SLC14A2: variants seen among roughly 807,000 people sequenced by gnomAD.
The protein encoded by SLC14A2 is solute carrier family 14 member 2.
In SLC14A2, 91 loss-of-function variants were observed where a neutral mutation model predicts 104.6. That is an observed-to-expected ratio of 0.87 (90% CI 0.73 to 1.04). SLC14A2 has a LOEUF of 1.04. Among genes scored for constraint, SLC14A2 ranks in the 50% least tolerant of loss-of-function variants. The pLI is 0.00. For missense variants in SLC14A2, 1,189 were observed against 1,156.0 expected (o/e 1.03, Z -0.41); for synonymous variants, 476 against 466.4 (o/e 1.02, Z -0.27).
At chr18:45,537,423 T>C (rs1485430970) in intron 2 of SLC14A2, among the ~76,000 whole-genome samples, 1 of 152,052 alleles carries the variant, frequency 6.6e-6, no homozygotes, top group East Asian at 1.9e-4. Flanking sequence ...GAGTGAGCCA[T>C]GCAGGTAACT....
At chr18:45,390,369 C>T (rs2085946897) in intron 1 of SLC14A2, among the ~76,000 whole-genome samples, 1 of 152,096 alleles carries the variant, frequency 6.6e-6, no homozygotes, top group African/African-American at 2.4e-5. Flanking sequence ...ATGGGACACT[C>T]AGGGTAAACT....
At chr18:45,571,691 G>A (rs1050392832) in intron 2 of SLC14A2, among the ~76,000 whole-genome samples, 3 of 152,024 alleles carry the variant, frequency 2.0e-5, no homozygotes, top group African/African-American at 7.2e-5. Context: ...TCTTCTCTGG[G>A]TCCATATTTT....
chr18:45,360,254 G>A (rs1415813918), intron 1 of SLC14A2, among the ~76,000 whole-genome samples: 4 of 152,306 alleles, frequency 2.6e-5, no homozygotes, highest in Middle Eastern at 3.4e-3. Flanking sequence ...GAAGCCAGTC[G>A]TGCATCCCTA....
At chr18:45,421,093 A>C (rs1056652105) in intron 1 of SLC14A2, among the ~76,000 whole-genome samples, 68 of 152,102 alleles carry the variant, frequency 4.5e-4, no homozygotes, top group African/African-American at 1.6e-3. Context: ...CTTTCCCTCC[A>C]CAAATCATTC....
intron 1 of SLC14A2, among the ~76,000 whole-genome samples, chr18:45,217,265 C>T (rs1266322224): frequency 1.4e-5 from 2 of 147,902 alleles, no homozygotes; most frequent in East Asian, 1.9e-4. Context: ...ATATAATATA[C>T]ATATATTACA....
intron 2 of SLC14A2, among the ~76,000 whole-genome samples, chr18:45,549,137 C>T (rs1375239348): frequency 6.6e-6 from 1 of 152,194 alleles, no homozygotes; most frequent in Non-Finnish European, 1.5e-5. Context: ...GTAAAATGGA[C>T]AAAGGACTGG....
chr18:45,303,096 C>G (rs532788863), intron 1 of SLC14A2, among the ~76,000 whole-genome samples: 7 of 152,180 alleles, frequency 4.6e-5, no homozygotes, highest in Admixed American at 4.6e-4. Flanking sequence ...AGCATTGAAA[C>G]GATTTGCAAA....
intron 1 of SLC14A2, among the ~76,000 whole-genome samples, chr18:45,382,370 A>G (rs113930714): frequency 1.3e-5 from 2 of 152,300 alleles, no homozygotes; most frequent in African/African-American, 4.8e-5. Context: ...GAATCTATTG[A>G]GCAGTATAAT....
At chr18:45,187,406 A>G in the SLC14A2 span, among the ~76,000 whole-genome samples, 1 of 152,184 alleles carries the variant, frequency 6.6e-6, no homozygotes, top group Non-Finnish European at 1.5e-5. Flanking sequence ...CACCAACTCC[A>G]ACAGAATAGG....
At chr18:45,513,923 G>C (rs1190716845) in intron 2 of SLC14A2, among the ~76,000 whole-genome samples, 1 of 152,106 alleles carries the variant, frequency 6.6e-6, no homozygotes, top group Non-Finnish European at 1.5e-5. Flanking sequence ...CCAACACACA[G>C]AGTGCTCTGC....
chr18:45,566,969 G>A (rs1204943531), intron 2 of SLC14A2, among the ~76,000 whole-genome samples: 1 of 152,068 alleles, frequency 6.6e-6, no homozygotes, highest in Non-Finnish European at 1.5e-5. Flanking sequence ...GGAATCTGGT[G>A]ATTTATTTGA....
At chr18:45,493,626 C>T (rs1336096954) in intron 2 of SLC14A2, among the ~76,000 whole-genome samples, 1 of 152,170 alleles carries the variant, frequency 6.6e-6, no homozygotes, top group Admixed American at 6.5e-5. Context: ...AGAGACTGTG[C>T]CAGAAATCAC....
chr18:45,278,744 T>G (rs973401659), intron 1 of SLC14A2, among the ~76,000 whole-genome samples: 1 of 152,162 alleles, frequency 6.6e-6, no homozygotes, highest in African/African-American at 2.4e-5. Flanking sequence ...TAGTGTCTAG[T>G]TGAAAAAAAT....
At chr18:45,352,646 A>G (rs1172498653) in intron 1 of SLC14A2, among the ~76,000 whole-genome samples, 2 of 152,098 alleles carry the variant, frequency 1.3e-5, no homozygotes, top group African/African-American at 4.8e-5. Context: ...TCACAAATAA[A>G]TGTTTACAAG....
rs73425976 is a variant in SLC14A2, at chr18:45,257,302, T to C, written c.-125+44111T>C. Among the ~76,000 whole-genome samples, 1,048 of 152,328 alleles carry C rather than the reference T, an allele frequency of 6.9e-3. 14 individuals carry two copies. Among genetic ancestry groups the C allele is most frequent in the African/African-American group, 0.024 (995 of 41,570 alleles). ...AGGGATGATGGACACTGAGGAGTTT[T>C]AGATAAATTCACACGTAATAGACTA... On this transcript the variant is annotated intron_variant, in intron 1 of 20. Transcript: ENST00000586448.
chr18:45,517,034 G>A (rs1047148081), intron 2 of SLC14A2, among the ~76,000 whole-genome samples: 1 of 152,244 alleles, frequency 6.6e-6, no homozygotes, highest in African/African-American at 2.4e-5. Context: ...TGCTGTCTGT[G>A]AACTGGGCAC....
chr18:45,428,872 T>A (rs1361210033), intron 1 of SLC14A2, among the ~76,000 whole-genome samples: 3 of 152,212 alleles, frequency 2.0e-5, no homozygotes, highest in Non-Finnish European at 4.4e-5. Context: ...TTTTGATAAG[T>A]CCCCACTATT....
At chr18:45,579,612 T>C (rs1190268567) in intron 2 of SLC14A2, among the ~76,000 whole-genome samples, 1 of 152,244 alleles carries the variant, frequency 6.6e-6, no homozygotes, top group African/African-American at 2.4e-5. Context: ...TTTCTAAGCT[T>C]TCATGTCAGC....
intron 1 of SLC14A2, among the ~76,000 whole-genome samples, chr18:45,451,297 A>G (rs139940761): frequency 6.6e-6 from 1 of 152,266 alleles, no homozygotes; most frequent in Non-Finnish European, 1.5e-5. Flanking sequence ...GTTCTCGGGG[A>G]GCAAGAAGTT....
Sources: allele counts gnomAD v4.1 joint callset (sites outside exome capture counted in the v4.1 genomes callset), GRCh38; gene constraint gnomAD v4.1.1; transcripts MANE v1.5; gene names NCBI Gene and HGNC (gene_info 2026-07-23, HGNC 2026-07-21).